PAPPA: variants seen among roughly 807,000 people sequenced by gnomAD.
PAPPA encodes the protein pappalysin 1.
PAPPA carries 60 observed loss-of-function variants against 164.0 expected under a neutral mutation model. The ratio of observed to expected loss-of-function variants is 0.37; its 90% CI spans 0.30 to 0.45. The LOEUF is 0.45. Among genes scored for constraint, PAPPA ranks in the 20% least tolerant of loss-of-function variants. The pLI is 1.00. For synonymous variants in PAPPA, 875 were observed against 814.1 expected (o/e 1.07, Z -1.27); for missense variants, 1,782 against 2,087.3 (o/e 0.85, Z 2.85).
chr9:116,321,181 C>A (rs896597743), intron 10 of PAPPA, among the ~76,000 whole-genome samples: 7 of 152,064 alleles, frequency 4.6e-5, no homozygotes, highest in African/African-American at 1.7e-4. Context: ...GCGCCCACCA[C>A]CGCACCCAGC....
intron 9 of PAPPA, among the ~76,000 whole-genome samples, chr9:116,299,954 C>G (rs1564215863): frequency 6.7e-6 from 1 of 149,872 alleles, no homozygotes; most frequent in Non-Finnish European, 1.5e-5. Context: ...CTTTGTAGTG[C>G]TTATAGGAAG....
chr9:116,318,044 T>C lies in PAPPA; in HGVS notation c.3148-13200T>C, dbSNP rs138209053. ...AAACTTATCCTTCACGCCTCCGCTG[T>C]TGACATCATTTGGGAAACTGGGTTT... On this transcript the variant is annotated intron_variant, in intron 10 of 21. Coordinates refer to ENST00000328252, the MANE Select transcript of PAPPA (RefSeq NM_002581.5). Among the ~76,000 whole-genome samples, 307 of 152,356 alleles carry C rather than the reference T, an allele frequency of 2.0e-3. 1 individual carries two copies. The highest frequency in any genetic ancestry group is 3.5e-3 in the Non-Finnish European group (239 of 68,034).
intron 17 of PAPPA, among the ~76,000 whole-genome samples, chr9:116,356,662 T>C (rs1383538382): frequency 6.6e-6 from 1 of 152,230 alleles, no homozygotes; most frequent in East Asian, 1.9e-4. Context: ...GATCAGATGG[T>C]TGTACATGTG....
At chr9:116,297,225 A>G (rs1318574482) in intron 9 of PAPPA, among the ~76,000 whole-genome samples, 1 of 152,210 alleles carries the variant, frequency 6.6e-6, no homozygotes, top group Non-Finnish European at 1.5e-5. Flanking sequence ...TGTCAGGTAG[A>G]AGACTTATAG....
chr9:116,282,624 T>A (rs1225235387), intron 9 of PAPPA, among the ~76,000 whole-genome samples: 1 of 152,252 alleles, frequency 6.6e-6, no homozygotes, highest in East Asian at 1.9e-4. Context: ...AGATGTTACG[T>A]TCCCAGTAAG....
At chr9:116,261,256 C>G (rs879368761) in intron 7 of PAPPA, among the ~76,000 whole-genome samples, 4 of 152,114 alleles carry the variant, frequency 2.6e-5, no homozygotes, top group Admixed American at 2.6e-4. Flanking sequence ...AAATATAACA[C>G]AGTTTAGTTA....
rs542101476 is a variant in PAPPA at position 116,187,218 on chromosome 9, C to T, written c.480C>T (p.Ile160=). The change falls in exon 2 of 22, where the codon ATC becomes ATT. Residue 160 remains isoleucine (I), a synonymous_variant. Coordinates refer to ENST00000328252, the MANE Select transcript of PAPPA (RefSeq NM_002581.5). The surrounding 1 kb of genome is among the most constrained non-coding windows in gnomAD (Gnocchi z 4.2). ...DRGWVVGIHT[I]SDQDNKDPRY... ...GATGGGTCGTGGGCATTCACACCAT[C>T]AGTGACCAAGACAACAAAGACCCAC... The T allele has an allele frequency of 1.2e-6, 2 of 1,614,170 alleles. No homozygotes were observed. The highest frequency in any genetic ancestry group is 1.7e-5 in the Admixed American group (1 of 60,024).
intron 6 of PAPPA, among the ~76,000 whole-genome samples, chr9:116,229,013 A>G (rs989005546): frequency 3.0e-4 from 46 of 152,272 alleles, no homozygotes; most frequent in Non-Finnish European, 6.2e-4. Flanking sequence ...TGGGCAAGGC[A>G]GTGCTGAGTG....
At position 116,235,418 on chromosome 9, in the gene PAPPA, C is replaced by T; in HGVS notation, c.2513C>T (p.Pro838Leu). ...LGPQNVFCDV[P>L]LTIRLWDVGE... ...CCTCAGAATGTCTTCTGTGATGTCC[C>T]ACTGACCATCAGACTCTGGGACGTG... Residue 838 changes from proline to leucine, a missense_variant, in exon 7 of 22, where the codon CCA (proline) becomes CTA (leucine). By Grantham distance (98) the Pro-to-Leu change is moderately conservative (BLOSUM62 -3). Transcript: ENST00000328252. 1 of 1,613,732 alleles carries T rather than the reference C, an allele frequency of 6.2e-7. No homozygotes were observed. The highest frequency in any genetic ancestry group is 8.5e-7 in the Non-Finnish European group (1 of 1,179,898).
chr9:116,231,682 GA>G (rs1844595220), intron 6 of PAPPA, among the ~76,000 whole-genome samples: 1 of 150,678 alleles, frequency 6.6e-6, no homozygotes, highest in Non-Finnish European at 1.5e-5. Context: ...TGGATGGATG[GA>G]TGGATGGATG....
At chr9:116,206,134 G>C (rs546223466) in intron 2 of PAPPA, among the ~76,000 whole-genome samples, 1 of 152,198 alleles carries the variant, frequency 6.6e-6, no homozygotes, top group Non-Finnish European at 1.5e-5. Flanking sequence ...GGGAAGAGAA[G>C]GGCTCAGCAG....
At chr9:116,254,259 G>C (rs1452233138) in intron 7 of PAPPA, among the ~76,000 whole-genome samples, 2 of 152,090 alleles carry the variant, frequency 1.3e-5, no homozygotes, top group Non-Finnish European at 2.9e-5. Flanking sequence ...CCAGAAACCA[G>C]TGAAGGCTAT....
At chr9:116,320,260 C>A (rs570392910) in intron 10 of PAPPA, among the ~76,000 whole-genome samples, 19 of 152,122 alleles carry the variant, frequency 1.2e-4, no homozygotes, top group Non-Finnish European at 2.1e-4. Context: ...TGGGGAGGTG[C>A]CAGCCTGAAG....
At chr9:116,214,148 A>G (rs949941687) in intron 4 of PAPPA, among the ~76,000 whole-genome samples, 3 of 152,236 alleles carry the variant, frequency 2.0e-5, no homozygotes, top group Non-Finnish European at 4.4e-5. Context: ...TCTACTACCC[A>G]TGTGGTAACT....
chr9:116,264,343 C>T (rs1488306261), intron 7 of PAPPA, among the ~76,000 whole-genome samples: 7 of 152,206 alleles, frequency 4.6e-5, no homozygotes, highest in African/African-American at 1.7e-4. Flanking sequence ...GGTATGTCCA[C>T]CTATTTCATC....
chr9:116,384,111 A>C (rs893460893), intron 21 of PAPPA, among the ~76,000 whole-genome samples: 6 of 151,968 alleles, frequency 3.9e-5, no homozygotes, highest in Non-Finnish European at 7.4e-5. Context: ...TTGTTTACTT[A>C]GCACAGGAAA....
chr9:116,350,524 C>T (rs936069951), intron 15 of PAPPA, among the ~76,000 whole-genome samples: 8 of 152,210 alleles, frequency 5.3e-5, no homozygotes, highest in Non-Finnish European at 2.9e-5. Context: ...TCTTGATTAA[C>T]ATTTTGGAAA....
chr9:116,370,490 G>T (rs745576718), intron 19 of PAPPA, among the ~76,000 whole-genome samples: 1 of 151,592 alleles, frequency 6.6e-6, no homozygotes, highest in Admixed American at 6.6e-5. Context: ...CCAGGGATGT[G>T]CTGGCAAATA....
At chr9:116,164,055 A>G (rs1843696226) in intron 1 of PAPPA, among the ~76,000 whole-genome samples, 1 of 152,208 alleles carries the variant, frequency 6.6e-6, no homozygotes, top group Non-Finnish European at 1.5e-5. Context: ...TAGCATGTTC[A>G]TATTTTGTAA....
Sources: allele counts gnomAD v4.1 joint callset (sites outside exome capture counted in the v4.1 genomes callset), GRCh38; gene constraint gnomAD v4.1.1; non-coding constraint Gnocchi (gnomAD v3.1); transcripts MANE v1.5; gene names NCBI Gene and HGNC (gene_info 2026-07-23, HGNC 2026-07-21).